The following RALYL variants were observed in gnomAD, a reference collection of about 807,000 sequenced individuals.
RALYL encodes the protein RALY RNA binding protein like.
A neutral mutation model predicts 35.1 loss-of-function variants in RALYL; 29 were observed. The ratio of observed to expected loss-of-function variants is 0.83; its 90% CI spans 0.61 to 1.13. RALYL has a LOEUF of 1.13. Ranked by LOEUF, RALYL falls within the 50% of genes most tolerant of loss-of-function variation. RALYL has a pLI of 0.00. For missense variants in RALYL, 359 were observed against 360.4 expected (o/e 1.00, Z 0.03); for synonymous variants, 120 against 127.6 (o/e 0.94, Z 0.40).
chr8:84,414,413 T>C (rs2044413661), intron 1 of RALYL, among the ~76,000 whole-genome samples: 1 of 152,190 alleles, frequency 6.6e-6, no homozygotes, highest in Non-Finnish European at 1.5e-5. Context: ...CATCTGTGCT[T>C]CAAATGACTA....
At chr8:84,477,305 G>C (rs543494175) in intron 1 of RALYL, among the ~76,000 whole-genome samples, 42 of 151,566 alleles carry the variant, frequency 2.8e-4, no homozygotes, top group African/African-American at 9.7e-4. Context: ...AGCATCTAAC[G>C]CTGTTGCTTT....
At chr8:84,199,115 G>C (rs1362894612) in intron 1 of RALYL, among the ~76,000 whole-genome samples, 4 of 152,084 alleles carry the variant, frequency 2.6e-5, no homozygotes, top group Admixed American at 6.6e-5. Context: ...CCCACCAACA[G>C]TATACAAGGG....
intron 2 of RALYL, among the ~76,000 whole-genome samples, chr8:84,687,383 C>G (rs1837026504): frequency 6.6e-6 from 1 of 152,068 alleles, no homozygotes; most frequent in South Asian, 2.1e-4. Flanking sequence ...TTGATAGAAG[C>G]ACATCGAATG....
At chr8:84,601,635 G>A (rs1815986304) in intron 2 of RALYL, among the ~76,000 whole-genome samples, 1 of 151,004 alleles carries the variant, frequency 6.6e-6, no homozygotes, top group Non-Finnish European at 1.5e-5. Context: ...AAAAAAAAAA[G>A]AGAATTCCAT....
intron 1 of RALYL, among the ~76,000 whole-genome samples, chr8:84,480,431 A>G (rs575121898): frequency 1.2e-4 from 18 of 152,302 alleles, no homozygotes; most frequent in Middle Eastern, 6.8e-3. Flanking sequence ...GGATTCCCTT[A>G]GGAAGACAAC....
At chr8:84,621,011 G>A (rs1406083495) in intron 2 of RALYL, among the ~76,000 whole-genome samples, 2 of 152,178 alleles carry the variant, frequency 1.3e-5, no homozygotes, top group African/African-American at 4.8e-5. Context: ...GTCAGACAGG[G>A]ACATTTAAGT....
chr8:84,198,823 G>A (rs918134516), intron 1 of RALYL, among the ~76,000 whole-genome samples: 2 of 152,114 alleles, frequency 1.3e-5, no homozygotes, highest in Non-Finnish European at 2.9e-5. Context: ...CAAATGACAG[G>A]AACTCATTCT....
chr8:84,810,876 G>A (rs1825744750), intron 4 of RALYL, among the ~76,000 whole-genome samples: 1 of 152,094 alleles, frequency 6.6e-6, no homozygotes, highest in African/African-American at 2.4e-5. Context: ...AAGTTTATGT[G>A]AGTCCTTACG....
chr8:84,235,362 C>T (rs543411372), intron 1 of RALYL, among the ~76,000 whole-genome samples: 1 of 152,234 alleles, frequency 6.6e-6, no homozygotes, highest in South Asian at 2.1e-4. Flanking sequence ...TATCAGCTTC[C>T]CCTCTTCCAC....
chr8:84,769,715 C>T (rs908917570), intron 2 of RALYL, among the ~76,000 whole-genome samples: 11 of 151,874 alleles, frequency 7.2e-5, no homozygotes, highest in Non-Finnish European at 1.0e-4. Context: ...GAGCCATGGG[C>T]GACAGAGTGA....
intron 2 of RALYL, among the ~76,000 whole-genome samples, chr8:84,728,850 C>A (rs976732155): frequency 6.6e-6 from 1 of 152,122 alleles, no homozygotes; most frequent in Admixed American, 6.6e-5. Flanking sequence ...GTTTTGGTAC[C>A]AGTACCATGC....
rs145724487 is a variant in RALYL, at chr8:84,438,873, G to C, written c.-23-90426G>C. Among the ~76,000 whole-genome samples the C allele has an allele frequency of 8.6e-5, 13 of 151,974 alleles. No individual in the cohort carries two copies. The East Asian group carries it at 2.3e-3, about 27-fold the overall frequency. ...CCCATTGCTTGTTTTTGTCAGTTTCGTCAAAGATCAGATGGCTGTAGGTGT... is the reference window on the plus strand; with the variant it reads ...CCCATTGCTTGTTTTTGTCAGTTTCCTCAAAGATCAGATGGCTGTAGGTGT... On this transcript the variant is annotated intron_variant, in intron 1 of 8. Coordinates refer to ENST00000521268, the MANE Select transcript of RALYL (RefSeq NM_173848.7).
chr8:84,880,822 C>T (rs185260631), intron 7 of RALYL, among the ~76,000 whole-genome samples: 2 of 152,014 alleles, frequency 1.3e-5, no homozygotes, highest in Admixed American at 6.6e-5. Context: ...TGCTTCCTCC[C>T]GAATTCACCT....
At chr8:84,646,937 T>A (rs1350827338) in intron 2 of RALYL, among the ~76,000 whole-genome samples, 1 of 152,106 alleles carries the variant, frequency 6.6e-6, no homozygotes, top group East Asian at 1.9e-4. Flanking sequence ...ATCTAATTCA[T>A]CTAGAATCCT....
chr8:84,390,417 G>T (rs1860371482), intron 1 of RALYL, among the ~76,000 whole-genome samples: 1 of 152,064 alleles, frequency 6.6e-6, no homozygotes, highest in Non-Finnish European at 1.5e-5. Flanking sequence ...AGAAGGAATG[G>T]TACCAATTCC....
intron 1 of RALYL, among the ~76,000 whole-genome samples, chr8:84,486,298 T>A (rs781711423): frequency 1.4e-5 from 2 of 144,310 alleles, no homozygotes; most frequent in Non-Finnish European, 1.5e-5. Flanking sequence ...TATATAATTT[T>A]AAAAATATTC....
rs530203387 is a variant in RALYL at position 84,701,292 on chromosome 8, C to T, written c.257-73287C>T. 2.6e-5 allele frequency among the ~76,000 whole-genome samples: 4 copies of T among 152,284 alleles called. No individual in the cohort carries two copies. In the South Asian group the frequency reaches 8.3e-4, roughly 32 times the overall value. ...TGCATGAGTTCATATACCTCATCTT[C>T]CTTCAGTTATCTTTTCAGCAAACTT... On this transcript the variant is annotated intron_variant, in intron 2 of 8. Coordinates refer to ENST00000521268, the MANE Select transcript of RALYL (RefSeq NM_173848.7).
intron 2 of RALYL, among the ~76,000 whole-genome samples, chr8:84,572,635 G>T (rs746321147): frequency 6.6e-6 from 1 of 151,694 alleles, no homozygotes; most frequent in Non-Finnish European, 1.5e-5. Context: ...ATAACAAATA[G>T]AATCCTCTGT....
Position 84,917,861 on chromosome 8 carries a change from T to A in RALYL, c.859-3033T>A, listed in dbSNP as rs546348719. ...ACAAGTTTTAACTTATGATGAACAG[T>A]AGGTGCTGAGAATTAGTCTGTGTTA... On this transcript the variant is annotated intron_variant, in intron 8 of 8. Transcript: ENST00000521268. Among the ~76,000 whole-genome samples the A allele has an allele frequency of 2.6e-5, 4 of 152,130 alleles. No individual in the cohort carries two copies. In the East Asian group the frequency reaches 7.7e-4, roughly 29 times the overall value.
Sources: allele counts gnomAD v4.1 joint callset (sites outside exome capture counted in the v4.1 genomes callset), GRCh38; gene constraint gnomAD v4.1.1; transcripts MANE v1.5; gene names NCBI Gene and HGNC (gene_info 2026-07-23, HGNC 2026-07-21).